AAMDC: variants seen among roughly 807,000 people sequenced by gnomAD.
AAMDC encodes adipogenesis associated Mth938 domain containing, also known as mth938 domain-containing protein.
Under a neutral mutation model 15.5 loss-of-function variants are expected in AAMDC, and 16 were observed. That is an observed-to-expected ratio of 1.03 (90% CI 0.70 to 1.57). AAMDC has a LOEUF of 1.57. Ranked by LOEUF, AAMDC falls within the 40% of genes most tolerant of loss-of-function variation. The pLI, the probability that AAMDC is intolerant of heterozygous loss-of-function variation, is 0.00. For synonymous variants in AAMDC, 51 were observed against 51.6 expected (o/e 0.99, Z 0.05); for missense variants, 141 against 144.9 (o/e 0.97, Z 0.14).
At chr11:77,839,226 A>G (rs1162187383) in intron 1 of AAMDC, among the ~76,000 whole-genome samples, 1 of 151,844 alleles carries the variant, frequency 6.6e-6, no homozygotes, top group Non-Finnish European at 1.5e-5. Flanking sequence ...GCAGCCTCAA[A>G]CTCATGGGCT....
chr11:77,882,219 A>G (rs1565220195), intron 5 of AAMDC, among the ~76,000 whole-genome samples: 2 of 152,298 alleles, frequency 1.3e-5, no homozygotes, highest in African/African-American at 4.8e-5. Context: ...GTGATCTTGT[A>G]TAAGTTAAAA....
rs150937811 is a variant in AAMDC at position 77,854,587 on chromosome 11, C to T, written c.132+11959C>T. On this transcript the variant is annotated intron_variant, in intron 2 of 3. Transcript: ENST00000393427. ...GGCTCCATGTCTCACATCCAGGTAA[C>T]ACTGATGCAAGGGGTGGGTTCCCAA... Among the ~76,000 whole-genome samples the T allele has an allele frequency of 4.7e-3, 714 of 152,342 alleles. 5 individuals are homozygous for T. The highest frequency in any genetic ancestry group is 0.02 in the Middle Eastern group (6 of 294).
At chr11:77,825,698 GT>G (rs1250441260) in intron 1 of AAMDC, among the ~76,000 whole-genome samples, 67 of 139,248 alleles carry the variant, frequency 4.8e-4, no homozygotes, top group East Asian at 8.4e-4. Context: ...CATTTTTTTT[GT>G]TTTTTTTTTT....
downstream of AAMDC, among the ~76,000 whole-genome samples, chr11:77,873,400 A>C (rs997977241): frequency 6.6e-6 from 1 of 152,236 alleles, no homozygotes; most frequent in Non-Finnish European, 1.5e-5. Flanking sequence ...TGTAAAGCCA[A>C]CTAGTTTCAT....
At chr11:77,847,833 G>A (rs1191790174) in intron 2 of AAMDC, among the ~76,000 whole-genome samples, 1 of 152,158 alleles carries the variant, frequency 6.6e-6, no homozygotes, top group African/African-American at 2.4e-5. Context: ...ATAAGAAATT[G>A]ACTTGTCCGT....
intron 2 of AAMDC, among the ~76,000 whole-genome samples, chr11:77,852,944 G>T (rs1950460941): frequency 6.6e-6 from 1 of 151,926 alleles, no homozygotes; most frequent in Non-Finnish European, 1.5e-5. Flanking sequence ...TAGTCCTAAG[G>T]GATGGGTACT....
At position 77,841,350 on chromosome 11, in the gene AAMDC, A is replaced by G; in HGVS notation, c.-18-1129A>G. 3 of 623,390 alleles carry G rather than the reference A, an allele frequency of 4.8e-6. 1 individual carries two copies. The South Asian group carries it at 5.6e-5, about 12-fold the overall frequency. 38.6% of individuals were successfully genotyped at this position (623,390 alleles called of 1,614,324 possible). A position where few individuals can be genotyped will look rare whatever the true frequency, so the allele number is the denominator to read the frequency against. On this transcript the variant is annotated intron_variant, in intron 1 of 3. Coordinates refer to ENST00000393427, the MANE Select transcript of AAMDC (RefSeq NM_024684.4). ...CTCCCATGCAATATGTGTCTACTTT[A>G]GTCTCTGTTCTGTTAGAGTTTTTTC...
At chr11:77,840,948 T>C (rs1415789284) in intron 1 of AAMDC, 1 of 464,416 alleles carries the variant, frequency 2.2e-6, no homozygotes, top group African/African-American at 1.9e-5. Flanking sequence ...ATCCATGTTG[T>C]GCTCCTATAA....
At chr11:77,863,533 C>T (rs2136266364) in intron 2 of AAMDC, among the ~76,000 whole-genome samples, 1 of 152,012 alleles carries the variant, frequency 6.6e-6, no homozygotes. Context: ...GGATTACAGG[C>T]ATGTGCCACT....
At chr11:77,883,696 T>G (rs1951879574) in intron 5 of AAMDC, 6 of 946,674 alleles carry the variant, frequency 6.3e-6, no homozygotes, top group Non-Finnish European at 9.2e-6. Flanking sequence ...TGAGTGCTTA[T>G]AAACTCATTA....
chr11:77,833,084 CA>C (rs1439983331), intron 1 of AAMDC, among the ~76,000 whole-genome samples: 4 of 139,010 alleles, frequency 2.9e-5, no homozygotes, highest in Middle Eastern at 3.9e-3. Context: ...GATCTCATAT[CA>C]GTGCAACCTC....
intron 5 of AAMDC, among the ~76,000 whole-genome samples, chr11:77,892,804 C>T (rs533292668): frequency 5.8e-4 from 89 of 152,208 alleles, no homozygotes; most frequent in Non-Finnish European, 1.0e-3. Context: ...AGGCTGGTCT[C>T]GAACTCCTGA....
At chr11:77,855,791 T>C (rs1363227033) in intron 2 of AAMDC, among the ~76,000 whole-genome samples, 3 of 149,096 alleles carry the variant, frequency 2.0e-5, no homozygotes, top group Admixed American at 6.8e-5. Context: ...GTCTTGAGTG[T>C]TTTGCTGCTT....
chr11:77,864,498 A>G (rs1362366515), intron 2 of AAMDC, among the ~76,000 whole-genome samples: 1 of 152,162 alleles, frequency 6.6e-6, no homozygotes, highest in Non-Finnish European at 1.5e-5. Flanking sequence ...AACCAGATTA[A>G]TTAGTTGCCT....
At chr11:77,873,021 G>T (rs998341593), downstream of AAMDC, among the ~76,000 whole-genome samples, 2 of 152,208 alleles carry the variant, frequency 1.3e-5, no homozygotes, top group Non-Finnish European at 2.9e-5. Flanking sequence ...TACTGGCTCA[G>T]ATAGTCTTTG....
Position 77,853,993 on chromosome 11 carries a change from C to CTT in AAMDC, c.132+11379_132+11380dup, listed in dbSNP as rs571437470. ...TGCCTTCCCAACAGTCCTCCAAATT[C>CTT]TTTTTTTTTTTTTTTGAGACAGACT... On this transcript the variant is annotated intron_variant, in intron 2 of 3. Coordinates refer to ENST00000393427, the MANE Select transcript of AAMDC (RefSeq NM_024684.4). 4.6e-3 allele frequency among the ~76,000 whole-genome samples: 633 copies of CTT among 138,364 alleles called. 9 individuals carry two copies. Among genetic ancestry groups the CTT allele is most frequent in the East Asian group, 0.023 (103 of 4,552 alleles). The allele number at this position is 138,364 out of a possible 152,430, so 90.8% of individuals were successfully genotyped here.
At chr11:77,845,436 T>C (rs1950104391) in intron 2 of AAMDC, among the ~76,000 whole-genome samples, 1 of 143,980 alleles carries the variant, frequency 6.9e-6, no homozygotes, top group Admixed American at 6.9e-5. Flanking sequence ...TCTTTTCTTT[T>C]TTTTTGGTGG....
chr11:77,883,763 C>A, intron 5 of AAMDC: 1 of 1,529,444 alleles, frequency 6.5e-7, no homozygotes. Flanking sequence ...CTTTAAAAAC[C>A]AAACGCTTAA....
chr11:77,845,873 G>A (rs767335526), intron 2 of AAMDC, among the ~76,000 whole-genome samples: 7 of 152,076 alleles, frequency 4.6e-5, no homozygotes, highest in Admixed American at 6.5e-5. Context: ...CTGATTTACA[G>A]TCTTTCTCTG....
Sources: gnomAD v4.1 joint callset for allele counts (sites outside exome capture counted in the v4.1 genomes callset) on GRCh38, gnomAD v4.1.1 for gene constraint, MANE v1.5 for transcripts, NCBI Gene and HGNC (gene_info 2026-07-23, HGNC 2026-07-21) for gene names.